The following CSRP3 variants were observed in gnomAD, a reference collection of about 807,000 sequenced individuals.
CSRP3 encodes the protein cysteine and glycine rich protein 3, also known as cysteine and glycine-rich protein 3.
CSRP3 carries 24 observed loss-of-function variants against 24.3 expected under a neutral mutation model. The observed-to-expected ratio is 0.99, with a 90% CI of 0.71 to 1.39. The LOEUF (loss-of-function observed/expected upper bound fraction) is 1.39, where lower values mean the gene tolerates loss of function less well. Among genes scored for constraint, CSRP3 ranks in the 40% most tolerant of loss-of-function variants. The pLI is 0.00. For synonymous variants in CSRP3, 105 were observed against 94.0 expected (o/e 1.12, Z -0.68); for missense variants, 240 against 249.0 (o/e 0.96, Z 0.24).
In CSRP3 at chr11:19,186,318, G is replaced by C. The variant is rs45582433; in HGVS notation, c.312C>G (p.Thr104=). Residue 104 remains threonine, a synonymous_variant, in exon 4 of 6, where the codon ACC becomes ACG. Coordinates refer to ENST00000265968, the MANE Select transcript of CSRP3 (RefSeq NM_003476.5). ...QSPKPARSVT[T]SNPSKFTAKF... ...TCGCAGTGAATTTGGAAGGGTTGCT[G>C]GTGGTAACTGAGCGTGCCGGCTTTG... The C allele has an allele frequency of 3.0e-3, 4,876 of 1,614,196 alleles. 123 individuals carry two copies. In the African/African-American group the frequency reaches 0.056, roughly 18 times the overall value.
intron 4 of CSRP3, among the ~76,000 whole-genome samples, chr11:19,185,537 T>C (rs1350107687): frequency 3.3e-5 from 5 of 152,238 alleles, no homozygotes; most frequent in Admixed American, 6.5e-5. Flanking sequence ...CCTGCACATC[T>C]GCGTGTCTAC....
rs1486451275 is a variant in CSRP3 at position 19,182,426 on chromosome 11, TTTA to T, written c.*241_*243del. ...AGCCATACAAGATAGCACTAAAACA[TTTA>T]TTTATTGCCTCTCCCATTCCAAGCA... On this transcript the variant is annotated 3_prime_UTR_variant, in exon 6 of 6. Transcript: ENST00000265968. 20 of 565,662 alleles carry T rather than the reference TTTA, an allele frequency of 3.5e-5. No homozygotes were observed. The African/African-American group carries it at 3.6e-4, about 10-fold the overall frequency. The allele number at this position is 565,662 out of a possible 1,614,324, so 35.0% of individuals were successfully genotyped here.
chr11:19,187,912 A>G (rs1590104180), intron 3 of CSRP3, among the ~76,000 whole-genome samples: 3 of 152,360 alleles, frequency 2.0e-5, no homozygotes, highest in East Asian at 3.9e-4. Flanking sequence ...ACCAAGAGCC[A>G]TGGTGTAAAA....
chr11:19,188,023 T>A (rs1850554487), intron 3 of CSRP3, 113 bp downstream of exon 3: 2 of 1,244,040 alleles, frequency 1.6e-6, no homozygotes, highest in Non-Finnish European at 1.2e-6. Context: ...TGTTGGCAAG[T>A]CAACAATAGA....
intron 1 of CSRP3, among the ~76,000 whole-genome samples, chr11:19,201,390 C>T (rs539629652): frequency 6.6e-6 from 1 of 152,330 alleles, no homozygotes; most frequent in Admixed American, 6.5e-5. Flanking sequence ...TGAATAACAC[C>T]ATTCCAGGTA....
At chr11:19,196,259 C>T (rs938816414) in intron 1 of CSRP3, among the ~76,000 whole-genome samples, 4 of 152,042 alleles carry the variant, frequency 2.6e-5, no homozygotes, top group Admixed American at 6.5e-5. Context: ...GAGACTCCAT[C>T]TGAAAAAATA....
chr11:19,195,692 TG>T (rs1257802617), intron 1 of CSRP3, among the ~76,000 whole-genome samples: 3 of 10,698 alleles, frequency 2.8e-4, no homozygotes, highest in Admixed American at 2.6e-3. Flanking sequence ...CATATATATC[TG>T]TGTGTGTGTG....
At chr11:19,183,175 A>AAT (rs57334286) in intron 5 of CSRP3, among the ~76,000 whole-genome samples, 5,103 of 84,372 alleles carry the variant, frequency 0.06, 287 homozygotes, top group African/African-American at 0.19. Flanking sequence ...AAAATAATAA[A>AAT]AAGGTTTATG....
At chr11:19,184,014 G>A (rs953890914) in intron 5 of CSRP3, among the ~76,000 whole-genome samples, 4 of 152,150 alleles carry the variant, frequency 2.6e-5, no homozygotes, top group African/African-American at 4.8e-5. Flanking sequence ...TGCCATGATT[G>A]CGAGGCCTCC....
chr11:19,183,725 T>C (rs1850476785), intron 5 of CSRP3, among the ~76,000 whole-genome samples: 1 of 152,220 alleles, frequency 6.6e-6, no homozygotes, highest in Non-Finnish European at 1.5e-5. Context: ...CAATCATCTG[T>C]CAGATAGTGA....
chr11:19,199,553 G>A (rs562897299), intron 1 of CSRP3, among the ~76,000 whole-genome samples: 2 of 152,288 alleles, frequency 1.3e-5, no homozygotes, highest in African/African-American at 2.4e-5. Flanking sequence ...TCATATCCCA[G>A]TTTACCTCCT....
intron 4 of CSRP3, among the ~76,000 whole-genome samples, chr11:19,185,294 G>A (rs539124510): frequency 3.2e-4 from 49 of 152,348 alleles, no homozygotes; most frequent in Admixed American, 1.4e-3. Flanking sequence ...TAGACTAAAC[G>A]GGAAAGGGCT....
intron 2 of CSRP3, among the ~76,000 whole-genome samples, chr11:19,189,353 T>A (rs1302570634): frequency 3.9e-5 from 6 of 152,234 alleles, no homozygotes; most frequent in Non-Finnish European, 7.3e-5. Context: ...GCAGATTTTT[T>A]AAAAGATATA....
chr11:19,193,159 T>A (rs963797587), intron 1 of CSRP3, among the ~76,000 whole-genome samples: 4 of 152,246 alleles, frequency 2.6e-5, no homozygotes, highest in Admixed American at 6.5e-5. Context: ...ATATTGGCAC[T>A]ACACTAGGTC....
intron 2 of CSRP3, 142 bp from the exon 3 acceptor site, chr11:19,188,446 A>G (rs893621418): frequency 2.5e-6 from 2 of 800,854 alleles, no homozygotes; most frequent in African/African-American, 3.4e-5. Context: ...TGACCAGAGT[A>G]TCTGCCCTGA....
intron 1 of CSRP3, among the ~76,000 whole-genome samples, chr11:19,200,420 C>A (rs547564403): frequency 6.6e-6 from 1 of 152,192 alleles, no homozygotes; most frequent in Non-Finnish European, 1.5e-5. Context: ...TGGCTATTTG[C>A]TGGCTGAATG....
At chr11:19,194,460 T>C (rs1850664611) in intron 1 of CSRP3, among the ~76,000 whole-genome samples, 1 of 152,096 alleles carries the variant, frequency 6.6e-6, no homozygotes, top group Non-Finnish European at 1.5e-5. Context: ...GGAGGATCAC[T>C]AGCCCAGGAG....
intron 1 of CSRP3, among the ~76,000 whole-genome samples, chr11:19,199,063 T>G (rs1850791661): frequency 6.6e-6 from 1 of 152,244 alleles, no homozygotes; most frequent in Non-Finnish European, 1.5e-5. Context: ...TGGTTCAGAC[T>G]GTGAATCAGC....
intron 2 of CSRP3, among the ~76,000 whole-genome samples, chr11:19,191,378 G>T (rs1192852512): frequency 6.6e-6 from 1 of 152,182 alleles, no homozygotes; most frequent in Non-Finnish European, 1.5e-5. Context: ...AAGCATGGGG[G>T]TGCTGGCATG....
Sources: gnomAD v4.1 joint callset for allele counts (sites outside exome capture counted in the v4.1 genomes callset) on GRCh38, gnomAD v4.1.1 for gene constraint, MANE v1.5 for transcripts, NCBI Gene and HGNC (gene_info 2026-07-23, HGNC 2026-07-21) for gene names.